HTR3A: variants seen among roughly 807,000 people sequenced by gnomAD.
The protein encoded by HTR3A is 5-hydroxytryptamine receptor 3A.
In HTR3A, 45 loss-of-function variants were observed where a neutral mutation model predicts 54.8. The ratio of observed to expected loss-of-function variants is 0.82; its 90% CI spans 0.65 to 1.05. HTR3A has a LOEUF of 1.05. HTR3A is among the 50% of genes least tolerant of loss of function. The pLI is 0.00. For missense variants in HTR3A, 657 were observed against 614.0 expected, an observed-to-expected ratio of 1.07 and a Z score of -0.74; for synonymous variants, 297 against 256.0, an observed-to-expected ratio of 1.16 and a Z score of -1.53.
At chr11:113,982,802 G>A (rs1950437067) in intron 4 of HTR3A, among the ~76,000 whole-genome samples, 1 of 152,338 alleles carries the variant, frequency 6.6e-6, no homozygotes, top group African/African-American at 2.4e-5. Context: ...GCAGTGACGG[G>A]TTGGGGCCAC....
At chr11:113,985,814 G>A (rs1359173235) in intron 5 of HTR3A, among the ~76,000 whole-genome samples, 1 of 152,108 alleles carries the variant, frequency 6.6e-6, no homozygotes, top group Admixed American at 6.6e-5. Context: ...TCTGCCCTCA[G>A]TGCGGCCCTG....
At chr11:113,979,176 G>A in intron 2 of HTR3A, 57 bp from the exon 3 acceptor site, 1 of 1,334,592 alleles carries the variant, frequency 7.5e-7, no homozygotes, top group South Asian at 1.2e-5. Flanking sequence ...GCTGGCATGT[G>A]CAGGGTGGCC....
At chr11:113,980,969 T>C (rs1374574068) in intron 3 of HTR3A, 1 of 537,232 alleles carries the variant, frequency 1.9e-6, no homozygotes, top group Non-Finnish European at 3.4e-6. Context: ...CTGACTTCCT[T>C]CCTGGGGCAA....
rs12285005 is a variant in HTR3A at position 113,986,968 on chromosome 11, C to T, written c.1060C>T (p.Leu354=). The change falls in exon 8 of 9, where the codon CTA becomes TTA. Residue 354 remains leucine, a synonymous_variant. Transcript: ENST00000504030. ...CCTGGTTCTGGAGAGAATCGCCTGG[C>T]TACTTTGCCTGAGGGAGCAGTCAAC... is the stretch of plus-strand genomic sequence containing the variant. ...RHLVLERIAW[L]LCLREQSTSQ... 1 of 1,614,126 alleles carries T rather than the reference C, an allele frequency of 6.2e-7. No homozygotes were observed. The highest frequency in any genetic ancestry group is 1.1e-5 in the South Asian group (1 of 91,084).
In HTR3A at chr11:113,975,322, C is replaced by T. The variant is rs374115066; in HGVS notation, c.-4C>T. 7 of 1,613,392 alleles carry T rather than the reference C, an allele frequency of 4.3e-6. No individual in the cohort carries two copies. In the African/African-American group the frequency reaches 6.7e-5, roughly 15 times the overall value. On this transcript the variant is annotated 5_prime_UTR_variant, in exon 1 of 9. Transcript: ENST00000504030. ...GAGGCACTCCTATGCTTGGAAAGCT[C>T]GCTATGCTGCTGTGGGTCCAGCAGG...
In HTR3A at chr11:113,983,174, C is replaced by T. The variant is rs573001897; in HGVS notation, c.429C>T (p.Gly143=). Residue 143 remains glycine, a synonymous_variant, in exon 5 of 9, where the codon GGC becomes GGT. Coordinates refer to ENST00000504030, the MANE Select transcript of HTR3A (RefSeq NM_000869.6). ...NIPYVYIRHQ[G]EVQNYKPLQV... ...CGTACGTGTATATTCGGCATCAAGG[C>T]GAAGTTCAGAACTACAAGCCCCTTC... 33 of 1,614,210 alleles carry T rather than the reference C, an allele frequency of 2.0e-5. No individual in the cohort carries two copies. The highest frequency in any genetic ancestry group is 8.9e-5 in the East Asian group (4 of 44,886).
At chr11:113,983,594 C>T (rs1950451294) in intron 5 of HTR3A, among the ~76,000 whole-genome samples, 1 of 152,130 alleles carries the variant, frequency 6.6e-6, no homozygotes, top group Non-Finnish European at 1.5e-5. Context: ...ATGGAAAGTA[C>T]ATGGAAATTG....
chr11:113,989,653 C>T lies in HTR3A; in HGVS notation c.1327C>T (p.Leu443=). 1 of 1,614,198 alleles carries T rather than the reference C, an allele frequency of 6.2e-7. No individual in the cohort carries two copies. Among genetic ancestry groups the T allele is most frequent in the Non-Finnish European group, 8.5e-7 (1 of 1,180,008 alleles). ...GATCCGAGAGGTGGCCCGAGACTGG[C>T]TGCGCGTGGGCTCCGTGCTGGACAA... The part of the protein sequence containing the change: ...DEIREVARDW[L]RVGSVLDKLL... Residue 443 remains leucine (L), a synonymous_variant, in exon 9 of 9, where the codon CTG becomes TTG. Transcript: ENST00000504030. The surrounding 1 kb of genome is among the most constrained non-coding windows in gnomAD (Gnocchi z 4.4).
In HTR3A at chr11:113,986,159, CA is replaced by C; in HGVS notation, c.690del (p.Glu231LysfsTer2). On this transcript the variant is annotated frameshift_variant, in exon 6 of 9. Transcript: ENST00000504030. LOFTEE classifies it high-confidence loss of function. ...EFSMESSNYY[A>X]EMKFYVVIRR... is the part of the protein sequence containing the mutation. ...AGCATGGAAAGCAGTAACTACTATG[CA>C]GAAATGAAGTTCTATGTGAGTGGGA... 1.2e-6 allele frequency: 2 copies of C among 1,614,156 alleles called. No individual in the cohort carries two copies. Among genetic ancestry groups the C allele is most frequent in the Non-Finnish European group, 1.7e-6 (2 of 1,180,042 alleles).
chr11:113,987,237 C>T (rs943986900), intron 8 of HTR3A, among the ~76,000 whole-genome samples, 191 bp downstream of exon 8: 1 of 152,200 alleles, frequency 6.6e-6, no homozygotes, highest in Non-Finnish European at 1.5e-5. Flanking sequence ...ACTTACACAA[C>T]CTCTCATTAC....
In HTR3A at chr11:113,989,593, T is replaced by C; in HGVS notation, c.1267T>C (p.Ser423Pro). The C allele has an allele frequency of 1.2e-6, 2 of 1,614,132 alleles. No individual in the cohort carries two copies. The highest frequency in any genetic ancestry group is 1.7e-6 in the Non-Finnish European group (2 of 1,180,014). The change falls in exon 9 of 9, where the codon TCC becomes CCC. Residue 423 changes from serine (S) to proline (P), a missense_variant. Physicochemically the swap from Ser to Pro is moderately conservative, Grantham distance 74. Coordinates refer to ENST00000504030, the MANE Select transcript of HTR3A (RefSeq NM_000869.6). The surrounding 1 kb of genome is among the most constrained non-coding windows in gnomAD (Gnocchi z 4.4). ...GGTGTGTGGGCTGCTGCAGGAGCTGTCCTCCATCCGGCAATTCCTGGAAAA... is the reference window on the plus strand; with the variant it reads ...GGTGTGTGGGCTGCTGCAGGAGCTGCCCTCCATCCGGCAATTCCTGGAAAA... ...LAVCGLLQELSSIRQFLEKRD... is the reference protein window; with the variant it reads ...LAVCGLLQELPSIRQFLEKRD...
At chr11:113,987,867 A>G (rs1950510958) in intron 8 of HTR3A, among the ~76,000 whole-genome samples, 1 of 152,226 alleles carries the variant, frequency 6.6e-6, no homozygotes, top group Admixed American at 6.5e-5. Flanking sequence ...CATTTGTTGT[A>G]GTTGGTGGTG....
chr11:113,981,540 A>G (rs955075305), intron 4 of HTR3A, among the ~76,000 whole-genome samples: 6 of 152,086 alleles, frequency 3.9e-5, no homozygotes, highest in Admixed American at 6.6e-5. Context: ...TTGAAATTCC[A>G]TACTTCGTAG....
chr11:113,986,371 A>G (rs2850623), intron 6 of HTR3A, 147 bp from the exon 7 acceptor site: 4 of 1,059,972 alleles, frequency 3.8e-6, no homozygotes, highest in Non-Finnish European at 5.6e-6. Context: ...CTGGATTGAG[A>G]GGCAGGGTAT....
rs928712535 is a variant in HTR3A at position 113,986,623 on chromosome 11, G to A, written c.811G>A (p.Gly271Ser). 1.2e-6 allele frequency: 2 copies of A among 1,613,886 alleles called. No individual in the cohort carries two copies. Among genetic ancestry groups the A allele is most frequent in the South Asian group, 2.2e-5 (2 of 91,078 alleles). ...GGGCTTCTACCTGCCCCCCAACAGT[G>A]GCGAGAGGGTCTCTTTCAAGATTAC... ...IVGFYLPPNS[G>S]ERVSFKITLL... The change falls in exon 7 of 9, where the codon GGC (glycine) becomes AGC (serine). Residue 271 changes from glycine (G) to serine (S), a missense_variant. Transcript: ENST00000504030.
intron 8 of HTR3A, among the ~76,000 whole-genome samples, chr11:113,987,365 C>T (rs563426551): frequency 9.2e-5 from 14 of 152,286 alleles, no homozygotes; most frequent in African/African-American, 2.9e-4. Flanking sequence ...CAAACGGATG[C>T]CCCTTAGGCA....
At chr11:113,988,235 G>A (rs530442332) in intron 8 of HTR3A, among the ~76,000 whole-genome samples, 2 of 152,326 alleles carry the variant, frequency 1.3e-5, no homozygotes, top group South Asian at 2.1e-4. Flanking sequence ...ATTTACCTTG[G>A]TGAAGGAAGC....
chr11:113,983,096 A>G (rs369795194), intron 4 of HTR3A, 24 bp from the exon 5 acceptor site: 1 of 1,613,960 alleles, frequency 6.2e-7, no homozygotes, highest in African/African-American at 1.3e-5. Flanking sequence ...TGAGCTCCCA[A>G]ACTAACCCCT....
rs1456981007 is a variant in HTR3A at position 113,986,716 on chromosome 11, A to T, written c.904A>T (p.Thr302Ser). Residue 302 changes from threonine (T) to serine (S), a missense_variant, in exon 7 of 9, where the codon ACT becomes TCT. Thr to Ser is a moderately conservative substitution (Grantham distance 58, BLOSUM62 1). Transcript: ENST00000504030. ...SDTLPATAIG[T>S]PLIGVYFVVC... ...CACGCTGCCGGCCACTGCCATCGGCACTCCTCTCATTGGTAAGGCCCCTCC... is the reference window on the plus strand; with the variant it reads ...CACGCTGCCGGCCACTGCCATCGGCTCTCCTCTCATTGGTAAGGCCCCTCC... The T allele has an allele frequency of 7.4e-6, 12 of 1,613,212 alleles. No individual in the cohort carries two copies. The South Asian group carries it at 1.1e-4, about 15-fold the overall frequency.
Sources: gnomAD v4.1 joint callset for allele counts (sites outside exome capture counted in the v4.1 genomes callset) on GRCh38, gnomAD v4.1.1 for gene constraint, Gnocchi (gnomAD v3.1) non-coding constraint, MANE v1.5 for transcripts, NCBI Gene and HGNC (gene_info 2026-07-23, HGNC 2026-07-21) for gene names.